LMO1: variants seen among roughly 807,000 people sequenced by gnomAD.
LMO1 encodes the protein LIM domain only 1.
A neutral mutation model predicts 18.0 loss-of-function variants in LMO1; 10 were observed. The ratio of observed to expected loss-of-function variants is 0.55; its 90% CI spans 0.34 to 0.94. LMO1 has a LOEUF of 0.94. LMO1 is among the 40% of genes least tolerant of loss of function. The probability of loss-of-function intolerance (pLI) is 0.02; values close to 1 mark genes in which losing one functional copy is unlikely to be tolerated. For missense variants in LMO1, 183 were observed against 205.7 expected (o/e 0.89, Z 0.68); for synonymous variants, 77 against 77.9 (o/e 0.99, Z 0.06).
rs150394055 is a variant in LMO1, at chr11:8,243,111, T to C, written c.26-12607A>G. ...GCCCCACCCCCAAGAGCGGCAGGGA[T>C]GGAAACCCCTTTGGCTGGGGCTGAG... On this transcript the variant is annotated intron_variant, in intron 1 of 3. Transcript: ENST00000335790. Among the ~76,000 whole-genome samples the C allele has an allele frequency of 2.2e-4, 34 of 152,136 alleles. No homozygotes were observed. In the East Asian group the frequency reaches 6.2e-3, roughly 28 times the overall value.
At chr11:8,246,873 G>A (rs1019521362) in intron 1 of LMO1, among the ~76,000 whole-genome samples, 3 of 152,142 alleles carry the variant, frequency 2.0e-5, no homozygotes. Context: ...GCCTCACAGG[G>A]GGCAGGCCCT....
intron 1 of LMO1, among the ~76,000 whole-genome samples, chr11:8,251,851 G>A (rs61020623): frequency 0.022 from 2,536 of 112,736 alleles, 66 homozygotes; most frequent in African/African-American, 0.082. Context: ...GTGGGTGTGC[G>A]TGTGTGTGTG....
intron 2 of LMO1, among the ~76,000 whole-genome samples, chr11:8,228,645 G>A (rs1480015275): frequency 1.7e-4 from 20 of 114,788 alleles, no homozygotes; most frequent in Non-Finnish European, 1.7e-5. Flanking sequence ...CCTTGCCTCT[G>A]CCAGAGCAAA....
intron 1 of LMO1, among the ~76,000 whole-genome samples, chr11:8,232,401 G>T (rs1952681317): frequency 6.6e-6 from 1 of 152,184 alleles, no homozygotes. Flanking sequence ...AACTGAAGGG[G>T]TCTTGTGAGG....
chr11:8,240,915 G>C (rs1846779600), intron 1 of LMO1, among the ~76,000 whole-genome samples: 1 of 152,116 alleles, frequency 6.6e-6, no homozygotes, highest in Non-Finnish European at 1.5e-5. Context: ...AATTTTCTGT[G>C]GTTCTTTAGT....
intron 1 of LMO1, among the ~76,000 whole-genome samples, chr11:8,244,187 TCACC>T (rs60768835): frequency 0.11 from 17,389 of 151,978 alleles, 1,615 homozygotes; most frequent in African/African-American, 0.26. Context: ...GAGGCTGGGG[TCACC>T]AGATCACATA....
chr11:8,231,287 G>C (rs34975053), intron 1 of LMO1, among the ~76,000 whole-genome samples: 5,150 of 152,322 alleles, frequency 0.034, 106 homozygotes, highest in Middle Eastern at 0.054. Context: ...CAGGCACCAA[G>C]TACAAAGGGC....
At chr11:8,266,077 G>T (rs1847257792), upstream of LMO1, among the ~76,000 whole-genome samples, 1 of 152,204 alleles carries the variant, frequency 6.6e-6, no homozygotes, top group Non-Finnish European at 1.5e-5. Flanking sequence ...AGCAGGCCTG[G>T]GGTGCTGAGC....
At chr11:8,264,687 A>G (rs1847243338), upstream of LMO1, among the ~76,000 whole-genome samples, 1 of 151,900 alleles carries the variant, frequency 6.6e-6, no homozygotes, top group African/African-American at 2.4e-5. Context: ...GCTGGAGTGC[A>G]GTGGTGTGAT....
chr11:8,238,092 A>G (rs900972869), intron 1 of LMO1, among the ~76,000 whole-genome samples: 4 of 152,256 alleles, frequency 2.6e-5, no homozygotes, highest in Non-Finnish European at 5.9e-5. Context: ...GCTTATGTCC[A>G]TCAAAACAGA....
At chr11:8,247,373 A>G (rs1846912745) in intron 1 of LMO1, among the ~76,000 whole-genome samples, 1 of 152,190 alleles carries the variant, frequency 6.6e-6, no homozygotes, top group African/African-American at 2.4e-5. Context: ...GAGGGTAGGA[A>G]GGAAAGCAAC....
chr11:8,232,956 G>A (rs12574271), intron 1 of LMO1, among the ~76,000 whole-genome samples: 1 of 152,046 alleles, frequency 6.6e-6, no homozygotes, highest in South Asian at 2.1e-4. Context: ...CTCCAGCACT[G>A]GTCGACAATC....
chr11:8,224,336 A>G lies in LMO1; in HGVS notation c.*280T>C. 1 of 450,374 alleles carries G rather than the reference A, an allele frequency of 2.2e-6. No individual in the cohort carries two copies. Among genetic ancestry groups the G allele is most frequent in the South Asian group, 3.2e-5 (1 of 31,652 alleles). 27.9% of individuals were successfully genotyped at this position (450,374 alleles called of 1,614,324 possible). A position where few individuals can be genotyped will look rare whatever the true frequency, so the allele number is the denominator to read the frequency against. Reference sequence around the variant, plus strand: ...CCGGAAACATTCATAAGTTTAATCCACGCCAGTAATAAAATCGCATTACAT... The same window carrying G: ...CCGGAAACATTCATAAGTTTAATCCGCGCCAGTAATAAAATCGCATTACAT... On this transcript the variant is annotated 3_prime_UTR_variant, in exon 4 of 4. Transcript: ENST00000335790.
chr11:8,251,636 A>G (rs1475994746), intron 1 of LMO1, among the ~76,000 whole-genome samples: 1 of 152,064 alleles, frequency 6.6e-6, no homozygotes, highest in East Asian at 1.9e-4. Flanking sequence ...AAAAAAATCC[A>G]GCAGCCCCCG....
intron 1 of LMO1, among the ~76,000 whole-genome samples, chr11:8,259,668 A>T (rs1041950692): frequency 6.6e-6 from 1 of 151,972 alleles, no homozygotes; most frequent in Non-Finnish European, 1.5e-5. Flanking sequence ...CAGGGTTGGG[A>T]CGGTCATGAG....
At chr11:8,225,269 G>A (rs1952513975) in intron 3 of LMO1, among the ~76,000 whole-genome samples, 1 of 151,824 alleles carries the variant, frequency 6.6e-6, no homozygotes, top group African/African-American at 2.4e-5. Flanking sequence ...AAAAAATTTA[G>A]CTGGTGGGCA....
intron 1 of LMO1, among the ~76,000 whole-genome samples, chr11:8,262,905 G>A (rs1051003340): frequency 1.4e-4 from 21 of 152,220 alleles, no homozygotes; most frequent in African/African-American, 5.1e-4. Context: ...TGATTTGCTC[G>A]GCGCTCAGCG....
intron 1 of LMO1, among the ~76,000 whole-genome samples, chr11:8,251,754 G>T (rs1170305121): frequency 6.6e-6 from 1 of 151,380 alleles, no homozygotes; most frequent in African/African-American, 2.4e-5. Flanking sequence ...TAGGGGTGTG[G>T]TATGTGTGTG....
At chr11:8,258,128 G>C (rs1847127919) in intron 1 of LMO1, among the ~76,000 whole-genome samples, 2 of 152,202 alleles carry the variant, frequency 1.3e-5, no homozygotes, top group Admixed American at 6.5e-5. Context: ...ACATAGCTTA[G>C]TGCAATGATA....
Sources: allele counts gnomAD v4.1 joint callset (sites outside exome capture counted in the v4.1 genomes callset), GRCh38; gene constraint gnomAD v4.1.1; transcripts MANE v1.5; gene names NCBI Gene and HGNC (gene_info 2026-07-23, HGNC 2026-07-21).